ERI1: variants seen among roughly 807,000 people sequenced by gnomAD.
ERI1 encodes exoribonuclease 1, also known as 3'-5' exoribonuclease 1.
Under a neutral mutation model 39.7 loss-of-function variants are expected in ERI1, and 39 were observed. That is an observed-to-expected ratio of 0.98 (90% CI 0.76 to 1.28). The LOEUF (loss-of-function observed/expected upper bound fraction) is 1.28. ERI1 is among the 50% of genes most tolerant of loss of function. The probability of loss-of-function intolerance (pLI) is 0.00; values close to 1 mark genes in which losing one functional copy is unlikely to be tolerated. For missense variants in ERI1, 581 were observed against 416.9 expected (o/e 1.39, Z -3.43); for synonymous variants, 204 against 149.6 (o/e 1.36, Z -2.65).
chr8:9,046,432 G>A (rs1175246860), intron 3 of ERI1, among the ~76,000 whole-genome samples: 5 of 152,278 alleles, frequency 3.3e-5, no homozygotes, highest in South Asian at 2.1e-4. Flanking sequence ...CACTGCACAC[G>A]GCCACACTCC....
At chr8:9,006,323 T>C (rs528783844) in intron 1 of ERI1, among the ~76,000 whole-genome samples, 1 of 152,196 alleles carries the variant, frequency 6.6e-6, no homozygotes, top group African/African-American at 2.4e-5. Context: ...AATTTTTCTT[T>C]ATGGAAGTCA....
At chr8:9,022,350 C>G (rs1818001980) in intron 6 of ERI1, among the ~76,000 whole-genome samples, 2 of 151,960 alleles carry the variant, frequency 1.3e-5, no homozygotes, top group African/African-American at 2.4e-5. Flanking sequence ...ACTTTGGGTG[C>G]TAGTCCTTTG....
chr8:9,099,831 G>A (rs891107096), intron 3 of ERI1: 1 of 152,054 alleles, frequency 6.6e-6, no homozygotes, highest in Non-Finnish European at 1.5e-5. Flanking sequence ...TGGTATTATG[G>A]ACACATGCTT....
chr8:9,062,090 T>C (rs1337181202), intron 3 of ERI1, among the ~76,000 whole-genome samples: 1 of 151,972 alleles, frequency 6.6e-6, no homozygotes, highest in Non-Finnish European at 1.5e-5. Flanking sequence ...AATGGGGGAA[T>C]TGTAAGGGGA....
chr8:9,005,077 A>C lies in ERI1; in HGVS notation c.108+1906A>C, dbSNP rs113739835. Among the ~76,000 whole-genome samples the C allele has an allele frequency of 8.4e-3, 1,283 of 152,320 alleles. 28 individuals are homozygous for C. The South Asian group carries it at 0.091, about 11-fold the overall frequency. On this transcript the variant is annotated intron_variant, in intron 1 of 6. Coordinates refer to ENST00000250263, the MANE Select transcript of ERI1 (RefSeq NM_153332.4). ...TATCTCTAATGCTAGTTGTCTTTGTAAACTAGTAGAAGCTATTGCATATTT... is the reference window on the plus strand; with the variant it reads ...TATCTCTAATGCTAGTTGTCTTTGTCAACTAGTAGAAGCTATTGCATATTT...
At chr8:9,065,491 C>T (rs1045105559) in intron 3 of ERI1, among the ~76,000 whole-genome samples, 2 of 151,828 alleles carry the variant, frequency 1.3e-5, no homozygotes, top group Non-Finnish European at 2.9e-5. Flanking sequence ...GTCAGGAGAT[C>T]GAGACCATCT....
intron 3 of ERI1, among the ~76,000 whole-genome samples, chr8:9,048,850 T>G (rs180676508): frequency 2.0e-5 from 3 of 152,112 alleles, no homozygotes; most frequent in African/African-American, 7.2e-5. Context: ...CTTGCTATGT[T>G]GCCCAGGCTG....
chr8:9,075,721 G>A (rs1799189813), intron 3 of ERI1, among the ~76,000 whole-genome samples: 1 of 152,054 alleles, frequency 6.6e-6, no homozygotes, highest in South Asian at 2.1e-4. Context: ...ATGAACTGAA[G>A]AAATAAAATG....
rs116819415 is a variant in ERI1, at chr8:9,092,878, G to T, written n.300-23470G>T. Among the ~76,000 whole-genome samples the T allele has an allele frequency of 4.5e-3, 691 of 152,324 alleles. 6 individuals carry two copies. The highest frequency in any genetic ancestry group is 0.016 in the African/African-American group (655 of 41,574). On this transcript the variant is annotated intron_variant and non_coding_transcript_variant, in intron 3 of 3. Transcript: ENST00000518663. Reference sequence around the variant, plus strand: ...AGTCTGAGACCAAGGTTTCGGCAGGGTTGGTTCCTTCTGAGGGCTGGGAGG... The same window carrying T: ...AGTCTGAGACCAAGGTTTCGGCAGGTTTGGTTCCTTCTGAGGGCTGGGAGG...
At chr8:9,085,567 G>T (rs1799498108) in intron 3 of ERI1, among the ~76,000 whole-genome samples, 1 of 151,474 alleles carries the variant, frequency 6.6e-6, no homozygotes, top group South Asian at 2.1e-4. Context: ...ATTCATTTAT[G>T]TATTGCCTCT....
intron 3 of ERI1, among the ~76,000 whole-genome samples, chr8:9,084,121 G>C (rs145187567): frequency 6.6e-6 from 1 of 152,140 alleles, no homozygotes; most frequent in East Asian, 1.9e-4. Context: ...ATTTAGCCTG[G>C]TGTGGTGGTG....
At chr8:9,080,531 A>T (rs1799337345) in intron 3 of ERI1, among the ~76,000 whole-genome samples, 1 of 152,230 alleles carries the variant, frequency 6.6e-6, no homozygotes, top group South Asian at 2.1e-4. Context: ...CCAGTTCCTG[A>T]GGCCACACTG....
At position 9,097,075 on chromosome 8, in the gene ERI1, C is replaced by A. The variant is rs555130436; in HGVS notation, n.300-19273C>A. On this transcript the variant is annotated intron_variant and non_coding_transcript_variant, in intron 3 of 3. Coordinates refer to the ERI1 transcript ENST00000518663. Reference sequence around the variant, plus strand: ...TGCCTTTACTCTTCTAGCTCTCCCGCTTCCTCTGGAAGTCCCCCTTTCTTC... The same window carrying A: ...TGCCTTTACTCTTCTAGCTCTCCCGATTCCTCTGGAAGTCCCCCTTTCTTC... 3.3e-5 allele frequency among the ~76,000 whole-genome samples: 5 copies of A among 152,236 alleles called. No individual in the cohort carries two copies. In the East Asian group the frequency reaches 7.7e-4, roughly 24 times the overall value.
intron 3 of ERI1, among the ~76,000 whole-genome samples, chr8:9,084,025 C>T (rs1190148473): frequency 6.6e-6 from 1 of 152,152 alleles, no homozygotes; most frequent in Non-Finnish European, 1.5e-5. Context: ...GATCTCCTGA[C>T]CTCATGATCA....
At chr8:9,027,333 A>C (rs1244646874) in intron 6 of ERI1, among the ~76,000 whole-genome samples, 1 of 152,092 alleles carries the variant, frequency 6.6e-6, no homozygotes, top group Non-Finnish European at 1.5e-5. Context: ...TTCCTCATTT[A>C]CTAAATGAGG....
At chr8:9,019,896 T>C (rs756688422) in intron 5 of ERI1, among the ~76,000 whole-genome samples, 11 of 152,216 alleles carry the variant, frequency 7.2e-5, no homozygotes, top group Non-Finnish European at 1.2e-4. Flanking sequence ...TGTCCTTAAC[T>C]ACAATAAATT....
chr8:9,072,431 A>T (rs1799082022), intron 3 of ERI1: 1 of 152,072 alleles, frequency 6.6e-6, no homozygotes, highest in African/African-American at 2.4e-5. Flanking sequence ...TTTTAGGATA[A>T]TTTTTTCTTT....
rs1815546769 is a variant in ERI1 at position 9,003,130 on chromosome 8, C to T, written c.67C>T (p.Arg23Trp). ...GGCTCTCGCGCTGCTGGAGTCGCCGCGGCCGGAGGGCGGGGAGGAGCCGCC... is the reference window on the plus strand; with the variant it reads ...GGCTCTCGCGCTGCTGGAGTCGCCGTGGCCGGAGGGCGGGGAGGAGCCGCC... ...AVALALLESP[R>W]PEGGEEPPRP... Residue 23 changes from arginine (R) to tryptophan (W), a missense_variant, in exon 1 of 7, where the codon CGG (arginine) becomes TGG (tryptophan). Coordinates refer to ENST00000250263, the MANE Select transcript of ERI1 (RefSeq NM_153332.4). 2.4e-6 allele frequency: 3 copies of T among 1,245,454 alleles called. No homozygotes were observed. The highest frequency in any genetic ancestry group is 4.2e-5 in the Admixed American group (1 of 23,814). 77.2% of individuals were successfully genotyped at this position (1,245,454 alleles called of 1,614,324 possible).
chr8:9,020,599 C>T (rs972001193), intron 6 of ERI1, 135 bp downstream of exon 6: 2 of 575,128 alleles, frequency 3.5e-6, no homozygotes, highest in Admixed American at 3.5e-5. Context: ...TCTTCAGATT[C>T]CAAATTCCTT....
Sources: allele counts gnomAD v4.1 joint callset (sites outside exome capture counted in the v4.1 genomes callset), GRCh38; gene constraint gnomAD v4.1.1; transcripts MANE v1.5; gene names NCBI Gene and HGNC (gene_info 2026-07-23, HGNC 2026-07-21).